HERC4: variants seen among roughly 807,000 people sequenced by gnomAD.
HERC4 encodes the protein probable E3 ubiquitin-protein ligase HERC4.
Under a neutral mutation model 124.3 loss-of-function variants are expected in HERC4, and 28 were observed. The ratio of observed to expected loss-of-function variants is 0.23; its 90% confidence interval spans 0.17 to 0.31. The LOEUF (loss-of-function observed/expected upper bound fraction) is 0.31. HERC4 is among the 10% of genes least tolerant of loss of function. HERC4 has a pLI of 1.00. For missense variants in HERC4, 713 were observed against 1,229.3 expected (o/e 0.58, Z 6.28); for synonymous variants, 407 against 421.5 (o/e 0.97, Z 0.42).
chr10:68,044,640 C>G, intron 3 of HERC4, 77 bp from the exon 4 acceptor site: 1 of 1,333,190 alleles, frequency 7.5e-7, no homozygotes, highest in Non-Finnish European at 1.0e-6. Flanking sequence ...TAGTTTTGAA[C>G]TTCCAATAAG....
In HERC4 at chr10:67,922,874, G is replaced by T; in HGVS notation, c.*57C>A. 8.1e-7 allele frequency: 1 copy of T among 1,240,660 alleles called. No homozygotes were observed. Among genetic ancestry groups the T allele is most frequent in the Non-Finnish European group, 1.1e-6 (1 of 878,240 alleles). The allele number at this position is 1,240,660 out of a possible 1,614,324, so 76.9% of individuals were successfully genotyped here. On this transcript the variant is annotated 3_prime_UTR_variant, in exon 25 of 25. Coordinates refer to ENST00000373700, the MANE Select transcript of HERC4 (RefSeq NM_015601.4). The stretch of plus-strand genomic sequence containing the variant: ...CACCTTGCTGAATTCATCACCACAA[G>T]AAAAACACAAATAGTTTAATGCTTT...
chr10:67,958,576 T>C (rs2034293181), intron 16 of HERC4, among the ~76,000 whole-genome samples: 1 of 152,158 alleles, frequency 6.6e-6, no homozygotes. Flanking sequence ...ATTATAATGT[T>C]CCCAAGTGTT....
At chr10:68,069,966 T>G (rs1589482367) in intron 3 of HERC4, 2 of 545,218 alleles carry the variant, frequency 3.7e-6, no homozygotes, top group Non-Finnish European at 4.7e-6. Flanking sequence ...CGCTTGAACC[T>G]GGGAGGCGGA....
intron 4 of HERC4, chr10:68,040,127 G>A (rs1006323397): frequency 4.1e-6 from 4 of 968,874 alleles, no homozygotes; most frequent in Non-Finnish European, 4.9e-6. Context: ...CATTTGTAAG[G>A]TCTTGGAGGC....
intron 19 of HERC4, among the ~76,000 whole-genome samples, chr10:67,953,205 T>C (rs1449800299): frequency 6.6e-6 from 1 of 152,174 alleles, no homozygotes; most frequent in African/African-American, 2.4e-5. Context: ...TATATTATTG[T>C]AAAACTAAAT....
chr10:68,047,268 GA>G (rs1163464755), intron 3 of HERC4, among the ~76,000 whole-genome samples: 1 of 149,666 alleles, frequency 6.7e-6, no homozygotes, highest in African/African-American at 2.4e-5. Flanking sequence ...AGTTCACAGA[GA>G]AAGAAACAGA....
intron 9 of HERC4, among the ~76,000 whole-genome samples, chr10:68,005,567 AT>A (rs1227227889): frequency 6.6e-6 from 1 of 151,988 alleles, no homozygotes; most frequent in Admixed American, 6.6e-5. Context: ...TACTCCTGAC[AT>A]TTTAAAATTT....
chr10:67,973,998 G>T (rs1263898618), intron 15 of HERC4, among the ~76,000 whole-genome samples: 1 of 140,280 alleles, frequency 7.1e-6, no homozygotes, highest in Non-Finnish European at 1.5e-5. Flanking sequence ...AGTGAGCCGA[G>T]ATCACGCCAC....
intron 15 of HERC4, among the ~76,000 whole-genome samples, chr10:67,976,008 C>T (rs1012265639): frequency 2.0e-5 from 3 of 151,732 alleles, no homozygotes; most frequent in Non-Finnish European, 4.4e-5. Flanking sequence ...CAAATGCTAC[C>T]CAGGTCAAAT....
At chr10:68,060,702 T>G (rs1421068869) in intron 3 of HERC4, among the ~76,000 whole-genome samples, 1 of 152,310 alleles carries the variant, frequency 6.6e-6, no homozygotes, top group African/African-American at 2.4e-5. Flanking sequence ...AAAATATGAA[T>G]AGTTCTATGT....
intron 16 of HERC4, chr10:67,966,447 GT>G: frequency 2.9e-6 from 1 of 345,498 alleles, no homozygotes. Context: ...GTCTTGTTTT[GT>G]TTTGTTTTAC....
chr10:67,927,042 GC>G (rs1320539919), intron 23 of HERC4, among the ~76,000 whole-genome samples: 1 of 151,952 alleles, frequency 6.6e-6, no homozygotes, highest in African/African-American at 2.4e-5. Flanking sequence ...CTTATTTGTA[GC>G]CATGATTTAT....
In HERC4 at chr10:67,954,755, C is replaced by CAA. The variant is rs1485980887; in HGVS notation, c.2194-19_2194-18dup. 1 of 1,609,726 alleles carries CAA rather than the reference C, an allele frequency of 6.2e-7. No homozygotes were observed. The highest frequency in any genetic ancestry group is 2.2e-5 in the East Asian group (1 of 44,790). On this transcript the variant is annotated splice_polypyrimidine_tract_variant and intron_variant, in intron 18 of 24. Transcript: ENST00000373700. ...AAATATAACCTAAAATAGCACAATG[C>CAA]AAACACCAAATAGACTGTAAAGAAA...
rs148974911 is a variant in HERC4 at position 68,023,217 on chromosome 10, G to C, written c.908+2329C>G. On this transcript the variant is annotated intron_variant, in intron 8 of 24. Transcript: ENST00000373700. ...TATGCCCAAAAGAACTGAAAGTGGG[G>C]TCCTGAAGGGATGTTTTTATATTCA... 5.7e-3 allele frequency among the ~76,000 whole-genome samples: 873 copies of C among 152,188 alleles called. 23 individuals are homozygous for C. Among genetic ancestry groups the C allele is most frequent in the Admixed American group, 0.053 (810 of 15,270 alleles).
intron 15 of HERC4, among the ~76,000 whole-genome samples, chr10:67,971,356 T>A (rs983286385): frequency 6.6e-6 from 1 of 151,916 alleles, no homozygotes; most frequent in African/African-American, 2.4e-5. Context: ...CAGATCAATA[T>A]CCCTCATGAA....
At position 68,001,819 on chromosome 10, in the gene HERC4, C is replaced by T. The variant is rs138251774; in HGVS notation, c.1070-9137G>A. 3.3e-4 allele frequency among the ~76,000 whole-genome samples: 50 copies of T among 152,192 alleles called. No homozygotes were observed. The East Asian group carries it at 9.4e-3, about 29-fold the overall frequency. On this transcript the variant is annotated intron_variant, in intron 9 of 24. Transcript: ENST00000373700. ...TCAGTAGACTCATATGATATTTGTC[C>T]TTTTGTGTCTTTCACCCCACATAAT...
intron 15 of HERC4, among the ~76,000 whole-genome samples, chr10:67,970,523 T>G (rs2035168225): frequency 6.7e-6 from 1 of 149,302 alleles, no homozygotes; most frequent in South Asian, 2.1e-4. Flanking sequence ...ACCTAGGTGG[T>G]GGAGGTTGCA....
chr10:68,018,615 A>G (rs539367053), intron 8 of HERC4, among the ~76,000 whole-genome samples: 1 of 152,322 alleles, frequency 6.6e-6, no homozygotes, highest in Admixed American at 6.5e-5. Context: ...AGAGTTTAGC[A>G]AGGTGGTTGT....
intron 3 of HERC4, among the ~76,000 whole-genome samples, chr10:68,064,313 G>A (rs1293843892): frequency 2.0e-5 from 3 of 151,996 alleles, no homozygotes; most frequent in Non-Finnish European, 4.4e-5. Flanking sequence ...CAGCAATTTG[G>A]GATGTCGTGG....
Sources: gnomAD v4.1 joint callset for allele counts (sites outside exome capture counted in the v4.1 genomes callset) on GRCh38, gnomAD v4.1.1 for gene constraint, MANE v1.5 for transcripts, NCBI Gene and HGNC (gene_info 2026-07-23, HGNC 2026-07-21) for gene names.